The following SHISAL1 variants were observed in gnomAD, a reference collection of about 807,000 sequenced individuals.
SHISAL1 encodes shisa like 1.
SHISAL1 carries 9 observed loss-of-function variants against 22.6 expected under a neutral mutation model. The observed-to-expected ratio is 0.40, with a 90% CI of 0.24 to 0.70. SHISAL1 has a LOEUF of 0.70. SHISAL1 is among the 30% of genes least tolerant of loss of function. The pLI, the probability that SHISAL1 is intolerant of heterozygous loss-of-function variation, is 0.39. For missense variants in SHISAL1, 246 were observed against 270.6 expected (o/e 0.91, Z 0.64); for synonymous variants, 119 against 115.4 (o/e 1.03, Z -0.20).
rs190397898 is a variant in SHISAL1 at position 44,307,558 on chromosome 22, C to T, written c.-33+5193G>A. On this transcript the variant is annotated intron_variant, in intron 1 of 4. Transcript: ENST00000381176. ...TGGTAAACTTCCTAAGATGGTAGTCCGTGGCCAACAACAAAACTCAAACAA... is the reference window on the plus strand; with the variant it reads ...TGGTAAACTTCCTAAGATGGTAGTCTGTGGCCAACAACAAAACTCAAACAA... Among the ~76,000 whole-genome samples, 412 of 152,242 alleles carry T rather than the reference C, an allele frequency of 2.7e-3. 1 individual carries two copies. The highest frequency in any genetic ancestry group is 6.8e-3 in the Middle Eastern group (2 of 294).
At chr22:44,304,388 G>A (rs757824886) in intron 1 of SHISAL1, among the ~76,000 whole-genome samples, 3 of 152,266 alleles carry the variant, frequency 2.0e-5, no homozygotes, top group Non-Finnish European at 4.4e-5. Context: ...CATGGGCATC[G>A]TGGCGGGAGC....
At chr22:44,255,422 C>A (rs888936706) in intron 4 of SHISAL1, among the ~76,000 whole-genome samples, 6 of 152,218 alleles carry the variant, frequency 3.9e-5, no homozygotes, top group African/African-American at 1.4e-4. Flanking sequence ...TCAGGAAATA[C>A]AACTCCATCC....
chr22:44,287,735 G>A (rs1381481789), intron 3 of SHISAL1, among the ~76,000 whole-genome samples: 1 of 152,162 alleles, frequency 6.6e-6, no homozygotes, highest in East Asian at 1.9e-4. Context: ...GGAAAAAGAG[G>A]CCTGCAGCCC....
At chr22:44,253,792 A>C (rs2055066041) in intron 4 of SHISAL1, among the ~76,000 whole-genome samples, 1 of 151,838 alleles carries the variant, frequency 6.6e-6, no homozygotes, top group Non-Finnish European at 1.5e-5. Context: ...CAGTTGGCAA[A>C]AACTAAAGTA....
At chr22:44,264,982 A>G (rs1017088180) in intron 4 of SHISAL1, among the ~76,000 whole-genome samples, 18 of 151,964 alleles carry the variant, frequency 1.2e-4, no homozygotes, top group African/African-American at 4.4e-4. Context: ...ACACAACCAG[A>G]TCCCTTAACA....
chr22:44,246,623 AG>A lies in SHISAL1; in HGVS notation c.*3061del, dbSNP rs1358110403. On this transcript the variant is annotated 3_prime_UTR_variant, in exon 5 of 5. Coordinates refer to ENST00000381176, the MANE Select transcript of SHISAL1 (RefSeq NM_001099294.2). ...TGACCTGGGGACCCATGGCATTTTG[AG>A]GAGCCCTTGACACCATTGGGGGATT... 2.0e-5 allele frequency: 3 copies of A among 152,386 alleles called. No individual in the cohort carries two copies. The highest frequency in any genetic ancestry group is 2.0e-4 in the Admixed American group (3 of 15,276). The allele number at this position is 152,386 out of a possible 1,614,324, so 9.4% of individuals were successfully genotyped here.
At chr22:44,320,471 C>G in the SHISAL1 span, among the ~76,000 whole-genome samples, 5 of 152,298 alleles carry the variant, frequency 3.3e-5, no homozygotes, top group Admixed American at 6.5e-5. Flanking sequence ...CGCAAATAAA[C>G]TCCAGCTCAT....
rs138035152 is a variant in SHISAL1, at chr22:44,302,213, G to A, written c.-32-1236C>T. On this transcript the variant is annotated intron_variant, in intron 1 of 4. Transcript: ENST00000381176. The stretch of plus-strand genomic sequence containing the variant: ...AAATTAGCCGGGCATGGTGGTGCAT[G>A]TCTGTAGTCCCAGCTACTTGGGAGG... 8.7e-4 allele frequency among the ~76,000 whole-genome samples: 132 copies of A among 152,082 alleles called. 2 individuals carry two copies. The East Asian group carries it at 0.024, about 27-fold the overall frequency.
rs1271833182 is a variant in SHISAL1 at position 44,244,323 on chromosome 22, A to G, written c.*5362T>C. On this transcript the variant is annotated 3_prime_UTR_variant, in exon 5 of 5. Coordinates refer to ENST00000381176, the MANE Select transcript of SHISAL1 (RefSeq NM_001099294.2). ...ACAGGGTACCTCATTGTACAAACCTAAGGGTCACCGTTCTCAGTGCAGTCT... is the reference window on the plus strand; with the variant it reads ...ACAGGGTACCTCATTGTACAAACCTGAGGGTCACCGTTCTCAGTGCAGTCT... 1 of 152,110 alleles carries G rather than the reference A, an allele frequency of 6.6e-6. No individual in the cohort carries two copies. The highest frequency in any genetic ancestry group is 1.5e-5 in the Non-Finnish European group (1 of 68,052). 9.4% of individuals were successfully genotyped at this position (152,110 alleles called of 1,614,324 possible). A position where few individuals can be genotyped will look rare whatever the true frequency, so the allele number is the denominator to read the frequency against.
chr22:44,314,504 C>T (rs777576441), upstream of SHISAL1, among the ~76,000 whole-genome samples: 1 of 152,136 alleles, frequency 6.6e-6, no homozygotes, highest in Non-Finnish European at 1.5e-5. Flanking sequence ...TTACTCCTTG[C>T]GATCCACCCT....
intron 1 of SHISAL1, among the ~76,000 whole-genome samples, chr22:44,309,381 C>A (rs370271438): frequency 5.9e-5 from 9 of 152,188 alleles, no homozygotes; most frequent in African/African-American, 2.2e-4. Context: ...GCCCCACCAA[C>A]AGTCCTGCGG....
In SHISAL1 at chr22:44,300,867, C is replaced by A; in HGVS notation, c.67+12G>T. 2 of 1,613,260 alleles carry A rather than the reference C, an allele frequency of 1.2e-6. No homozygotes were observed. Among genetic ancestry groups the A allele is most frequent in the Non-Finnish European group, 1.7e-6 (2 of 1,179,354 alleles). ...GTGCCGCCCCCGCCCCCAGCATCCA[C>A]GGAGGTTTTACCTGCAGAAAACAGC... On this transcript the variant is annotated intron_variant, in intron 2 of 4. Coordinates refer to ENST00000381176, the MANE Select transcript of SHISAL1 (RefSeq NM_001099294.2).
chr22:44,246,088 A>C lies in SHISAL1; in HGVS notation c.*3597T>G, dbSNP rs1234127909. ...GGCTGGCCTGGCCGCTGGAGCAGCC[A>C]GGTGAGGCGGGTGAGAAGGCTGCTT... On this transcript the variant is annotated 3_prime_UTR_variant, in exon 5 of 5. Transcript: ENST00000381176. 1 of 152,300 alleles carries C rather than the reference A, an allele frequency of 6.6e-6. No homozygotes were observed. Among genetic ancestry groups the C allele is most frequent in the African/African-American group, 2.4e-5 (1 of 41,466 alleles). 9.4% of individuals were successfully genotyped at this position (152,300 alleles called of 1,614,324 possible).
intron 4 of SHISAL1, among the ~76,000 whole-genome samples, chr22:44,261,075 CT>C (rs1383127678): frequency 2.4e-4 from 13 of 53,934 alleles, no homozygotes; most frequent in Admixed American, 6.0e-4. Context: ...TGCTTCATTA[CT>C]TTATATATAT....
At chr22:44,257,938 G>A (rs1482694371) in intron 4 of SHISAL1, among the ~76,000 whole-genome samples, 10 of 152,164 alleles carry the variant, frequency 6.6e-5, no homozygotes, top group Admixed American at 1.3e-4. Flanking sequence ...TCAGGAGTTC[G>A]AAACCAGCCT....
At chr22:44,296,961 G>A (rs1399223259) in intron 2 of SHISAL1, 76 bp from the exon 3 acceptor site, 5 of 1,185,610 alleles carry the variant, frequency 4.2e-6, no homozygotes, top group East Asian at 4.7e-5. Flanking sequence ...GGACTGGCCG[G>A]CCTCTTCTCA....
intron 2 of SHISAL1, among the ~76,000 whole-genome samples, chr22:44,298,167 C>T (rs1340314613): frequency 1.3e-5 from 2 of 152,198 alleles, no homozygotes; most frequent in Non-Finnish European, 2.9e-5. Flanking sequence ...CTCTCCAGGC[C>T]CCCTTCTCTT....
At chr22:44,280,243 G>T (rs890504908) in intron 4 of SHISAL1, among the ~76,000 whole-genome samples, 15 of 152,192 alleles carry the variant, frequency 9.9e-5, no homozygotes, top group Non-Finnish European at 1.9e-4. Context: ...TGGAAGGCAT[G>T]GGCAGTGAGG....
At position 44,306,927 on chromosome 22, in the gene SHISAL1, C is replaced by T. The variant is rs1305270451; in HGVS notation, c.-33+5824G>A. Among the ~76,000 whole-genome samples, 5 of 150,006 alleles carry T rather than the reference C, an allele frequency of 3.3e-5. 1 individual carries two copies. Among genetic ancestry groups the T allele is most frequent in the Non-Finnish European group, 1.5e-5 (1 of 67,620 alleles). On this transcript the variant is annotated intron_variant, in intron 1 of 4. Transcript: ENST00000381176. ...GGCGTGTGTGGAAGGGACCTGTGCT[C>T]GGGGAGCTCTGATGACGATGGCGTG...
Sources: allele counts gnomAD v4.1 joint callset (sites outside exome capture counted in the v4.1 genomes callset), GRCh38; gene constraint gnomAD v4.1.1; transcripts MANE v1.5; gene names NCBI Gene and HGNC (gene_info 2026-07-23, HGNC 2026-07-21).